CNNM2: variants seen among roughly 807,000 people sequenced by gnomAD.
CNNM2 encodes the protein cyclin and CBS domain divalent metal cation transport mediator 2, also known as metal transporter CNNM2.
In CNNM2, 12 loss-of-function variants were observed where a neutral mutation model predicts 66.9. That is an observed-to-expected ratio of 0.18 (90% CI 0.11 to 0.29). CNNM2 has a LOEUF of 0.29. Ranked by LOEUF, CNNM2 falls within the 10% of genes least tolerant of loss-of-function variation. The pLI is 1.00. For synonymous variants in CNNM2, 557 were observed against 501.8 expected (o/e 1.11, Z -1.47); for missense variants, 705 against 1,167.7 (o/e 0.60, Z 5.77).
chr10:103,004,997 C>A (rs1394349507), intron 1 of CNNM2, among the ~76,000 whole-genome samples: 1 of 151,028 alleles, frequency 6.6e-6, no homozygotes, highest in Non-Finnish European at 1.5e-5. Flanking sequence ...CTTTTTTTTT[C>A]CCCCCTCCAG....
At chr10:103,025,653 A>T (rs2064687984) in intron 1 of CNNM2, among the ~76,000 whole-genome samples, 1 of 152,252 alleles carries the variant, frequency 6.6e-6, no homozygotes, top group Admixed American at 6.5e-5. Flanking sequence ...CATGAATCAC[A>T]TCCGTAGTAT....
rs10509759 is a variant in CNNM2, at chr10:102,929,908, A to T, written c.1621+9807A>T. Among the ~76,000 whole-genome samples the T allele has an allele frequency of 0.091, 13,818 of 152,308 alleles. 845 individuals carry two copies. The highest frequency in any genetic ancestry group is 0.28 in the East Asian group (1,438 of 5,186). ...TTAACACTGATTGCATAAAAAGTAT[A>T]AAAAATGGTAATGCCTAATATAGCA... On this transcript the variant is annotated intron_variant, in intron 1 of 7. Transcript: ENST00000369878.
intron 1 of CNNM2, among the ~76,000 whole-genome samples, chr10:102,944,979 G>GTTTTT (rs111973848): frequency 7.1e-6 from 1 of 140,654 alleles, no homozygotes; most frequent in Non-Finnish European, 1.6e-5. Context: ...TTTGTTTTTT[G>GTTTTT]TTTTTTTTTT....
At chr10:102,931,364 T>C (rs1846057529) in intron 1 of CNNM2, among the ~76,000 whole-genome samples, 1 of 150,754 alleles carries the variant, frequency 6.6e-6, no homozygotes, top group Admixed American at 6.6e-5. Context: ...TTCTTTTTTT[T>C]TTTTTTTTTT....
rs1731345191 is a variant in CNNM2 at position 103,085,459 on chromosome 10, G to A, written c.*8279G>A. The A allele has an allele frequency of 6.6e-6, 1 of 152,178 alleles. No individual in the cohort carries two copies. The allele number at this position is 152,178 out of a possible 1,614,324, so 9.4% of individuals were successfully genotyped here. On this transcript the variant is annotated 3_prime_UTR_variant, in exon 8 of 8. Coordinates refer to ENST00000369878, the MANE Select transcript of CNNM2 (RefSeq NM_017649.5). Reference sequence around the variant, plus strand: ...ACTTGTGAGACGTGGAAGGACTATTGCTGCCTTTCGTGGGAAAAATGTGTG... The same window carrying A: ...ACTTGTGAGACGTGGAAGGACTATTACTGCCTTTCGTGGGAAAAATGTGTG...
chr10:102,985,112 T>C (rs560004203), intron 1 of CNNM2, among the ~76,000 whole-genome samples: 1 of 152,328 alleles, frequency 6.6e-6, no homozygotes, highest in South Asian at 2.1e-4. Flanking sequence ...TTTTTCTTTT[T>C]AACTTTCTGC....
At chr10:103,065,851 T>G (rs968280055) in intron 4 of CNNM2, among the ~76,000 whole-genome samples, 9 of 152,130 alleles carry the variant, frequency 5.9e-5, no homozygotes, top group African/African-American at 2.2e-4. Flanking sequence ...GCTACTCCTG[T>G]GTGTGTTGCT....
chr10:103,001,142 T>C (rs2064114090), intron 1 of CNNM2, among the ~76,000 whole-genome samples: 1 of 152,080 alleles, frequency 6.6e-6, no homozygotes, highest in Non-Finnish European at 1.5e-5. Context: ...GTCAAAATTA[T>C]AGAGATAGAA....
At chr10:103,031,818 G>T (rs766796016) in intron 1 of CNNM2, among the ~76,000 whole-genome samples, 1 of 127,856 alleles carries the variant, frequency 7.8e-6, no homozygotes, top group Non-Finnish European at 1.6e-5. Context: ...TCTCAGAACT[G>T]TCTGCTTAAG....
chr10:102,935,680 C>T lies in CNNM2; in HGVS notation c.1621+15579C>T, dbSNP rs570521111. On this transcript the variant is annotated intron_variant, in intron 1 of 7. Coordinates refer to ENST00000369878, the MANE Select transcript of CNNM2 (RefSeq NM_017649.5). ...GGAGTGCAGTGACACAATCACAGCT[C>T]ACTGCAGCCCTGGTTGACTAGCAGC... Among the ~76,000 whole-genome samples the T allele has an allele frequency of 3.7e-4, 54 of 147,318 alleles. No homozygotes were observed. The Middle Eastern group carries it at 0.024, about 67-fold the overall frequency.
chr10:102,960,086 TA>T (rs1268071220), intron 1 of CNNM2, among the ~76,000 whole-genome samples: 1 of 151,536 alleles, frequency 6.6e-6, no homozygotes, highest in East Asian at 1.9e-4. Context: ...AATAAATAAA[TA>T]AAATGAGAAT....
chr10:103,040,940 T>G (rs2134316995), intron 1 of CNNM2, among the ~76,000 whole-genome samples: 1 of 152,266 alleles, frequency 6.6e-6, no homozygotes, highest in East Asian at 1.9e-4. Flanking sequence ...GGAGGAGAAT[T>G]GCTTCTCTTA....
chr10:103,051,363 G>A (rs973360898), intron 2 of CNNM2, among the ~76,000 whole-genome samples: 5 of 151,868 alleles, frequency 3.3e-5, no homozygotes, highest in Admixed American at 1.3e-4. Flanking sequence ...CCCGGGAGGC[G>A]GAGGTTGCAG....
In CNNM2 at chr10:103,049,674, A is replaced by T. The variant is rs1222305471; in HGVS notation, c.1622-33A>T. On this transcript the variant is annotated intron_variant, in intron 1 of 7. Coordinates refer to ENST00000369878, the MANE Select transcript of CNNM2 (RefSeq NM_017649.5). ...AACATGTCATTCAGAAAATTCAGAA[A>T]GTCACTTCCTAAACTTTTTCTTGTC... The T allele has an allele frequency of 6.3e-7, 1 of 1,594,332 alleles. No individual in the cohort carries two copies. The highest frequency in any genetic ancestry group is 1.1e-5 in the South Asian group (1 of 88,090).
At chr10:102,977,689 C>T (rs938560958) in intron 1 of CNNM2, among the ~76,000 whole-genome samples, 1 of 152,038 alleles carries the variant, frequency 6.6e-6, no homozygotes, top group Non-Finnish European at 1.5e-5. Context: ...AGTGTGGTGG[C>T]ACAAACCTGT....
At chr10:103,052,566 T>C (rs955836674) in intron 2 of CNNM2, among the ~76,000 whole-genome samples, 1 of 150,936 alleles carries the variant, frequency 6.6e-6, no homozygotes, top group African/African-American at 2.4e-5. Flanking sequence ...CAGGCTGGAG[T>C]GCAGTGGTGC....
At position 103,087,985 on chromosome 10, in the gene CNNM2, T is replaced by TG. The variant is rs2065887254; in HGVS notation, c.*10806dup. The TG allele has an allele frequency of 6.6e-6, 1 of 152,208 alleles. No individual in the cohort carries two copies. Among genetic ancestry groups the TG allele is most frequent in the Admixed American group, 6.5e-5 (1 of 15,286 alleles). The allele number at this position is 152,208 out of a possible 1,614,324, so 9.4% of individuals were successfully genotyped here. On this transcript the variant is annotated 3_prime_UTR_variant, in exon 8 of 8. Transcript: ENST00000369878. ...CAGTCCTGTTCCAAAAATCTTTCTG[T>TG]GAAAAAATTGAGGCCTATGTAACAC...
At chr10:103,000,021 AG>A (rs1297150133) in intron 1 of CNNM2, among the ~76,000 whole-genome samples, 1 of 152,118 alleles carries the variant, frequency 6.6e-6, no homozygotes. Flanking sequence ...GGATCACCTG[AG>A]GTCAGGAGTT....
At chr10:103,022,482 A>G (rs912314537) in intron 1 of CNNM2, among the ~76,000 whole-genome samples, 3 of 152,122 alleles carry the variant, frequency 2.0e-5, no homozygotes, top group Non-Finnish European at 4.4e-5. Flanking sequence ...GGCTTAAAAA[A>G]CTGATTGTGC....
Sources: gnomAD v4.1 joint callset for allele counts (sites outside exome capture counted in the v4.1 genomes callset) on GRCh38, gnomAD v4.1.1 for gene constraint, MANE v1.5 for transcripts, NCBI Gene and HGNC (gene_info 2026-07-23, HGNC 2026-07-21) for gene names.